Variants in ATG4B observed in about 807,000 individuals in gnomAD.
The protein encoded by ATG4B is autophagy related 4B cysteine peptidase.
Under a neutral mutation model 56.6 loss-of-function variants are expected in ATG4B, and 29 were observed. The observed-to-expected ratio is 0.51, with a 90% CI of 0.38 to 0.70. The LOEUF is 0.70. Among genes scored for constraint, ATG4B ranks in the 30% least tolerant of loss-of-function variants. ATG4B has a pLI of 0.00. For synonymous variants in ATG4B, 224 were observed against 206.1 expected, an observed-to-expected ratio of 1.09 and a Z score of -0.74; for missense variants, 461 against 515.5, an observed-to-expected ratio of 0.89 and a Z score of 1.02.
chr2:241,646,043 A>G (rs2068051804), intron 1 of ATG4B, among the ~76,000 whole-genome samples: 2 of 152,162 alleles, frequency 1.3e-5, no homozygotes, highest in African/African-American at 4.8e-5. Flanking sequence ...TGGTTTATAC[A>G]GTGAGCAATC....
rs765410970 is a variant in ATG4B, at chr2:241,651,006, A to G, written c.11-4A>G. ...TGATGATTGTGCATCTTTGGTTTCA[A>G]CAGCTACTCTGACCTACGACACTCT... On this transcript the variant is annotated splice_region_variant and splice_polypyrimidine_tract_variant and intron_variant, in intron 1 of 12. Transcript: ENST00000404914. The surrounding 1 kb of genome is among the most constrained non-coding windows in gnomAD (Gnocchi z 4.1). 89 of 1,610,972 alleles carry G rather than the reference A, an allele frequency of 5.5e-5. No homozygotes were observed. The highest frequency in any genetic ancestry group is 7.0e-5 in the Non-Finnish European group (83 of 1,178,730).
chr2:241,673,545 G>C lies in ATG4B; in HGVS notation c.*1281G>C, dbSNP rs899060348. The stretch of plus-strand genomic sequence containing the variant: ...CAGTCGGCACTGACCGGCCCACCTG[G>C]TAGCAGAGGACACCCCCAGCCCCCC... On this transcript the variant is annotated 3_prime_UTR_variant, in exon 13 of 13. Coordinates refer to ENST00000404914, the MANE Select transcript of ATG4B (RefSeq NM_013325.5). 8.8e-6 allele frequency: 4 copies of C among 453,428 alleles called. No homozygotes were observed. The highest frequency in any genetic ancestry group is 8.0e-5 in the African/African-American group (4 of 49,938). The allele number at this position is 453,428 out of a possible 1,614,324, so 28.1% of individuals were successfully genotyped here.
At position 241,668,474 on chromosome 2, in the gene ATG4B, G is replaced by A. The variant is rs951847815; in HGVS notation, c.812-66G>A. ...TGTGGGTGCAGTGGGTCTGAAATGC[G>A]GCCTCCTCTGTCCCTTTCCTCTGCC... is the stretch of plus-strand genomic sequence containing the variant. On this transcript the variant is annotated intron_variant, in intron 9 of 12. Coordinates refer to ENST00000404914, the MANE Select transcript of ATG4B (RefSeq NM_013325.5). This position sits in a 1 kb window ranked among gnomAD's most constrained non-coding sequence, Gnocchi z 4.2. 1.2e-5 allele frequency: 19 copies of A among 1,560,472 alleles called. No homozygotes were observed. The highest frequency in any genetic ancestry group is 2.7e-5 in the African/African-American group (2 of 73,688).
In ATG4B at chr2:241,651,418, A is replaced by G. The variant is rs2125123369; in HGVS notation, c.184+83A>G. ...ACTTACGCTTGTAGATTTGACTTCA[A>G]TATGCCACTGACTTCATTTGAATCT... On this transcript the variant is annotated intron_variant, in intron 3 of 12. Transcript: ENST00000404914. The surrounding 1 kb of genome is among the most constrained non-coding windows in gnomAD (Gnocchi z 4.1). 15 of 1,051,284 alleles carry G rather than the reference A, an allele frequency of 1.4e-5. No individual in the cohort carries two copies. The highest frequency in any genetic ancestry group is 8.9e-5 in the South Asian group (6 of 67,662). The allele number at this position is 1,051,284 out of a possible 1,614,324, so 65.1% of individuals were successfully genotyped here.
intron 10 of ATG4B, among the ~76,000 whole-genome samples, chr2:241,669,919 G>A (rs1035479542): frequency 6.6e-6 from 1 of 152,172 alleles, no homozygotes; most frequent in Non-Finnish European, 1.5e-5. Flanking sequence ...CACTCTAACA[G>A]TCAGGTCAGG....
Position 241,651,358 on chromosome 2 carries a change from A to G in ATG4B, c.184+23A>G, listed in dbSNP as rs140872479. 613 of 1,535,518 alleles carry G rather than the reference A, an allele frequency of 4.0e-4. 2 individuals carry two copies. The African/African-American group carries it at 7.5e-3, about 19-fold the overall frequency. On this transcript the variant is annotated intron_variant, in intron 3 of 12. Coordinates refer to ENST00000404914, the MANE Select transcript of ATG4B (RefSeq NM_013325.5). The surrounding 1 kb of genome is among the most constrained non-coding windows in gnomAD (Gnocchi z 4.1). The stretch of plus-strand genomic sequence containing the variant: ...TTGGTAAGTACTCTGTTTTATTACA[A>G]CGCGGGACAAAATATGTTTTTAGGA...
At chr2:241,641,863 G>T (rs1372209182) in intron 1 of ATG4B, among the ~76,000 whole-genome samples, 1 of 152,172 alleles carries the variant, frequency 6.6e-6, no homozygotes, top group African/African-American at 2.4e-5. Flanking sequence ...CCACAGTGTG[G>T]CTGTGTTCTC....
At chr2:241,658,531 A>C (rs1484401629) in intron 6 of ATG4B, among the ~76,000 whole-genome samples, 25 of 152,192 alleles carry the variant, frequency 1.6e-4, no homozygotes, top group Admixed American at 1.6e-3. Context: ...CACCTCCGCC[A>C]GACCTGAGAT....
intron 6 of ATG4B, 137 bp downstream of exon 6, chr2:241,655,480 A>C: frequency 5.9e-6 from 5 of 840,366 alleles, no homozygotes; most frequent in Non-Finnish European, 9.4e-6. Context: ...AAGGTTTCTC[A>C]GCGATGACTG....
chr2:241,655,054 A>G (rs2068352608), intron 5 of ATG4B: 1 of 595,656 alleles, frequency 1.7e-6, no homozygotes, highest in Non-Finnish European at 3.0e-6. Flanking sequence ...TGGTCCCTTC[A>G]TTTCCCCTCC....
chr2:241,640,339 G>T (rs1255584007), intron 1 of ATG4B, among the ~76,000 whole-genome samples: 1 of 152,202 alleles, frequency 6.6e-6, no homozygotes, highest in Non-Finnish European at 1.5e-5. Flanking sequence ...ATATCATGGG[G>T]AATTTTCCTT....
In ATG4B at chr2:241,668,333, A is replaced by T; in HGVS notation, c.811+112A>T. 1 of 1,405,314 alleles carries T rather than the reference A, an allele frequency of 7.1e-7. No homozygotes were observed. 87.1% of individuals were successfully genotyped at this position (1,405,314 alleles called of 1,614,324 possible). ...TTGAGGCCACTGGTGGAAAAGCAGC[A>T]TGCCCTGGGGTTCATTTTCAGCCTG... On this transcript the variant is annotated intron_variant, in intron 9 of 12. Transcript: ENST00000404914. This position sits in a 1 kb window ranked among gnomAD's most constrained non-coding sequence, Gnocchi z 4.2.
chr2:241,641,303 C>T (rs1189685867), intron 1 of ATG4B, among the ~76,000 whole-genome samples: 1 of 152,218 alleles, frequency 6.6e-6, no homozygotes, highest in Non-Finnish European at 1.5e-5. Flanking sequence ...GTAATCCCAG[C>T]ACTTTGAGAG....
intron 12 of ATG4B, 131 bp from the exon 13 acceptor site, chr2:241,672,060 A>C: frequency 2.1e-6 from 3 of 1,447,696 alleles, no homozygotes; most frequent in Non-Finnish European, 1.8e-6. Flanking sequence ...ACCTGTTCAC[A>C]CCCGCATGGG....
At chr2:241,653,955 C>G (rs897470246) in intron 4 of ATG4B, among the ~76,000 whole-genome samples, 1 of 140,956 alleles carries the variant, frequency 7.1e-6, no homozygotes, top group Non-Finnish European at 1.5e-5. Flanking sequence ...CGCACCACTG[C>G]GCTCCAGCCT....
intron 8 of ATG4B, 156 bp from the exon 9 acceptor site, chr2:241,667,987 T>A: frequency 1.5e-6 from 1 of 662,374 alleles, no homozygotes; most frequent in Non-Finnish European, 2.5e-6. Context: ...CTGTGGTCTT[T>A]CCTGGACAGT....
intron 10 of ATG4B, among the ~76,000 whole-genome samples, chr2:241,670,050 G>A (rs1488040759): frequency 2.0e-5 from 3 of 152,170 alleles, no homozygotes; most frequent in Admixed American, 6.5e-5. Flanking sequence ...CCCTGTCCCC[G>A]GGGGAGAGTG....
chr2:241,671,714 C>T (rs546662202), intron 12 of ATG4B: 26 of 1,331,420 alleles, frequency 2.0e-5, no homozygotes, highest in African/African-American at 5.9e-5. Context: ...TCTGTGGTGA[C>T]GCAGTCCTGG....
chr2:241,641,267 G>A (rs1220820498), intron 1 of ATG4B, among the ~76,000 whole-genome samples: 1 of 152,192 alleles, frequency 6.6e-6, no homozygotes, highest in Non-Finnish European at 1.5e-5. Context: ...TCAGATGGAG[G>A]GGGGCGGGCG....
Sources: gnomAD v4.1 joint callset for allele counts (sites outside exome capture counted in the v4.1 genomes callset) on GRCh38, gnomAD v4.1.1 for gene constraint, Gnocchi (gnomAD v3.1) non-coding constraint, MANE v1.5 for transcripts, NCBI Gene and HGNC (gene_info 2026-07-23, HGNC 2026-07-21) for gene names.